PRKCE: variants seen among roughly 807,000 people sequenced by gnomAD.
PRKCE encodes protein kinase C epsilon type.
In PRKCE, 16 loss-of-function variants were observed where a neutral mutation model predicts 85.4. That is an observed-to-expected ratio of 0.19 (90% CI 0.13 to 0.28). The LOEUF (loss-of-function observed/expected upper bound fraction) is 0.28. PRKCE is among the 10% of genes least tolerant of loss of function. The pLI, the probability that PRKCE is intolerant of heterozygous loss-of-function variation, is 1.00. For synonymous variants in PRKCE, 388 were observed against 371.5 expected (o/e 1.04, Z -0.51); for missense variants, 573 against 975.2 (o/e 0.59, Z 5.49).
intron 2 of PRKCE, among the ~76,000 whole-genome samples, chr2:45,871,671 G>C (rs940623951): frequency 6.6e-6 from 1 of 152,154 alleles, no homozygotes; most frequent in Admixed American, 6.5e-5. Flanking sequence ...CCATCCTGAG[G>C]GTATTTTTCT....
chr2:45,929,175 A>G, intron 2 of PRKCE, among the ~76,000 whole-genome samples: 1 of 152,186 alleles, frequency 6.6e-6, no homozygotes, highest in East Asian at 1.9e-4. Context: ...ACGCGGGTCA[A>G]TCTACCAGTG....
At chr2:45,766,898 G>A (rs769864171) in intron 1 of PRKCE, among the ~76,000 whole-genome samples, 1 of 152,100 alleles carries the variant, frequency 6.6e-6, no homozygotes, top group Non-Finnish European at 1.5e-5. Flanking sequence ...AAAATTAGCC[G>A]GGCATGATGG....
intron 11 of PRKCE, among the ~76,000 whole-genome samples, chr2:46,107,028 T>C (rs1246200234): frequency 6.6e-6 from 1 of 152,242 alleles, no homozygotes; most frequent in African/African-American, 2.4e-5. Context: ...TGTATTAAGT[T>C]TCACTCTTTG....
At chr2:45,771,936 G>A (rs4953253) in intron 1 of PRKCE, among the ~76,000 whole-genome samples, 112,875 of 151,904 alleles carry the variant, frequency 0.74, 42,115 homozygotes, top group East Asian at 0.8. Flanking sequence ...CATTGCCATG[G>A]GGCCCAAACC....
intron 1 of PRKCE, among the ~76,000 whole-genome samples, chr2:45,816,810 C>T (rs1206509739): frequency 2.0e-5 from 3 of 152,168 alleles, no homozygotes; most frequent in African/African-American, 7.2e-5. Flanking sequence ...TCCTCCCTCC[C>T]CCTAATTGTT....
rs1201556621 is a variant in PRKCE at position 45,905,586 on chromosome 2, C to T, written c.412+62523C>T. Among the ~76,000 whole-genome samples, 2 of 152,198 alleles carry T rather than the reference C, an allele frequency of 1.3e-5. No homozygotes were observed. The highest frequency in any genetic ancestry group is 2.4e-5 in the African/African-American group (1 of 41,456). On this transcript the variant is annotated intron_variant, in intron 2 of 14. Transcript: ENST00000306156. This position sits in a 1 kb window ranked among gnomAD's most constrained non-coding sequence, Gnocchi z 4.4. Reference sequence around the variant, plus strand: ...TAAAAGCTGGGCAAAGCAGGGCTTTCACCGGGCTCTGTGTATCCTGGCCCT... The same window carrying T: ...TAAAAGCTGGGCAAAGCAGGGCTTTTACCGGGCTCTGTGTATCCTGGCCCT...
At chr2:45,900,644 T>C (rs1696506601) in intron 2 of PRKCE, among the ~76,000 whole-genome samples, 1 of 152,230 alleles carries the variant, frequency 6.6e-6, no homozygotes, top group East Asian at 1.9e-4. Flanking sequence ...TGTTCAATGG[T>C]AGAGATTTTC....
chr2:45,705,080 G>T (rs1249046293), intron 1 of PRKCE, among the ~76,000 whole-genome samples: 1 of 152,200 alleles, frequency 6.6e-6, no homozygotes, highest in East Asian at 1.9e-4. Context: ...ACAAATGCCA[G>T]AGACTTACTA....
chr2:46,126,589 A>G (rs1673884641), intron 11 of PRKCE, among the ~76,000 whole-genome samples: 1 of 152,224 alleles, frequency 6.6e-6, no homozygotes, highest in Non-Finnish European at 1.5e-5. Flanking sequence ...CTTTTATTTG[A>G]TATTTACTCA....
intron 1 of PRKCE, among the ~76,000 whole-genome samples, chr2:45,758,620 A>C (rs1216719283): frequency 1.3e-5 from 2 of 152,194 alleles, no homozygotes; most frequent in Non-Finnish European, 2.9e-5. Flanking sequence ...TGAAAATTGC[A>C]GGCCCTTCCT....
At chr2:45,709,187 G>A (rs1332236782) in intron 1 of PRKCE, among the ~76,000 whole-genome samples, 6 of 152,330 alleles carry the variant, frequency 3.9e-5, no homozygotes, top group African/African-American at 1.4e-4. Context: ...GGTTAGTAGG[G>A]CCTACCAGAG....
intron 1 of PRKCE, among the ~76,000 whole-genome samples, chr2:45,837,910 GATTA>G (rs1691024370): frequency 6.6e-6 from 1 of 152,140 alleles, no homozygotes; most frequent in South Asian, 2.1e-4. Context: ...CTACCTTACA[GATTA>G]ATTGTGAGAA....
intron 6 of PRKCE, among the ~76,000 whole-genome samples, chr2:45,997,256 A>G (rs12712959): frequency 0.19 from 28,423 of 151,882 alleles, 3,043 homozygotes; most frequent in African/African-American, 0.29. Context: ...GCTCTTTACA[A>G]AGAACCAGCT....
In PRKCE at chr2:46,145,051, G is replaced by A; in HGVS notation, c.1593-42G>A. On this transcript the variant is annotated intron_variant, in intron 11 of 14. Coordinates refer to ENST00000306156, the MANE Select transcript of PRKCE (RefSeq NM_005400.3). This position sits in a 1 kb window ranked among gnomAD's most constrained non-coding sequence, Gnocchi z 4.6. Reference sequence around the variant, plus strand: ...TCCAACTCAGGAAGACTATATTGGGGTGAGTGACGTATTGACATTATGGTC... The same window carrying A: ...TCCAACTCAGGAAGACTATATTGGGATGAGTGACGTATTGACATTATGGTC... 6.3e-7 allele frequency: 1 copy of A among 1,598,874 alleles called. No homozygotes were observed. The highest frequency in any genetic ancestry group is 8.5e-7 in the Non-Finnish European group (1 of 1,179,310).
At chr2:45,755,616 A>G (rs866924170) in intron 1 of PRKCE, among the ~76,000 whole-genome samples, 1 of 152,224 alleles carries the variant, frequency 6.6e-6, no homozygotes, top group South Asian at 2.1e-4. Context: ...GAAATATTTC[A>G]GTTGTAACCA....
At chr2:45,725,192 A>G (rs568258981) in intron 1 of PRKCE, among the ~76,000 whole-genome samples, 1 of 152,336 alleles carries the variant, frequency 6.6e-6, no homozygotes, top group African/African-American at 2.4e-5. Flanking sequence ...TGCTCTGTCA[A>G]TGGAATAACA....
At chr2:45,690,089 A>G (rs1007958708) in intron 1 of PRKCE, among the ~76,000 whole-genome samples, 14 of 152,146 alleles carry the variant, frequency 9.2e-5, no homozygotes, top group Non-Finnish European at 1.5e-4. Context: ...TTACTTACCA[A>G]TTTTGGAAAT....
chr2:46,156,960 A>T (rs1434733645), intron 13 of PRKCE, among the ~76,000 whole-genome samples: 3 of 151,810 alleles, frequency 2.0e-5, no homozygotes, highest in Non-Finnish European at 4.4e-5. Context: ...ATAACTTCTT[A>T]TTTCTTTTTC....
intron 1 of PRKCE, among the ~76,000 whole-genome samples, chr2:45,799,869 C>T (rs1004692133): frequency 4.6e-5 from 7 of 152,174 alleles, no homozygotes; most frequent in Non-Finnish European, 1.0e-4. Context: ...GAGGCAGGAT[C>T]AGGAATTGCA....
Sources: allele counts gnomAD v4.1 joint callset (sites outside exome capture counted in the v4.1 genomes callset), GRCh38; gene constraint gnomAD v4.1.1; non-coding constraint Gnocchi (gnomAD v3.1); transcripts MANE v1.5; gene names NCBI Gene and HGNC (gene_info 2026-07-23, HGNC 2026-07-21).